The following MAP4 variants were observed in gnomAD, a reference collection of about 807,000 sequenced individuals.
The protein encoded by MAP4 is microtubule associated protein 4.
MAP4 carries 76 observed loss-of-function variants against 170.2 expected under a neutral mutation model. That is an observed-to-expected ratio of 0.45 (90% CI 0.37 to 0.54). MAP4 has a LOEUF of 0.54. Among genes scored for constraint, MAP4 ranks in the 20% least tolerant of loss-of-function variants. The probability of loss-of-function intolerance (pLI) is 0.00; values close to 1 mark genes in which losing one functional copy is unlikely to be tolerated. For synonymous variants in MAP4, 909 were observed against 994.5 expected (o/e 0.91, Z 1.62); for missense variants, 2,506 against 2,748.0 (o/e 0.91, Z 1.97).
chr3:47,994,948 C>CAA (rs765432631), intron 2 of MAP4, among the ~76,000 whole-genome samples: 69 of 84,402 alleles, frequency 8.2e-4, no homozygotes, highest in African/African-American at 2.0e-3. Context: ...GACTCCATCT[C>CAA]AAAAAAAAAA....
intron 10 of MAP4, among the ~76,000 whole-genome samples, chr3:47,885,970 C>T (rs1443218602): frequency 1.3e-5 from 2 of 152,144 alleles, no homozygotes; most frequent in East Asian, 1.9e-4. Flanking sequence ...CCTCATGATC[C>T]GCCCGCCTCG....
chr3:47,923,875 A>T (rs1278424969), intron 4 of MAP4, among the ~76,000 whole-genome samples: 1 of 152,134 alleles, frequency 6.6e-6, no homozygotes, highest in Non-Finnish European at 1.5e-5. Flanking sequence ...GAGATAGAAT[A>T]TGAGAGAGAT....
chr3:48,008,334 T>A (rs1463411442), intron 1 of MAP4, among the ~76,000 whole-genome samples: 1 of 152,246 alleles, frequency 6.6e-6, no homozygotes. Context: ...CAGACGGTTC[T>A]GCATCATATG....
intron 1 of MAP4, among the ~76,000 whole-genome samples, chr3:48,005,257 AGGCT>A (rs1197645699): frequency 9.0e-4 from 137 of 152,268 alleles, no homozygotes; most frequent in African/African-American, 3.2e-3. Flanking sequence ...GCTACTCGGC[AGGCT>A]GAGGCAGGAG....
At chr3:47,865,505 AGGGGCAGGAAG>A (rs1300769259) in intron 17 of MAP4, among the ~76,000 whole-genome samples, 3 of 129,612 alleles carry the variant, frequency 2.3e-5, no homozygotes, top group African/African-American at 1.1e-4. Flanking sequence ...ACCAGGAAGG[AGGGGCAGGAAG>A]GAGTTGTGTG....
chr3:47,899,703 A>G (rs990843650), intron 10 of MAP4, among the ~76,000 whole-genome samples: 10 of 152,240 alleles, frequency 6.6e-5, no homozygotes, highest in African/African-American at 2.4e-4. Flanking sequence ...AAGGATGGGT[A>G]GTTTCCTTTT....
At chr3:48,061,774 C>T (rs1285723121) in intron 1 of MAP4, among the ~76,000 whole-genome samples, 2 of 151,018 alleles carry the variant, frequency 1.3e-5, no homozygotes, top group Admixed American at 1.3e-4. Flanking sequence ...CGGCCAGCCG[C>T]CCCGTCCGGG....
Position 48,074,676 on chromosome 3 carries a change from T to TTGTGTGTGTGTGTGTGTGTG in MAP4, c.-20+14077_-20+14096dup, listed in dbSNP as rs555691222. ...GGGGCAAGCCACCACATCCAGCTAA[T>TTGTGTGTGTGTGTGTGTGTG]TGTGTGTGTGTGTGTGTGTGTGTGT... is the stretch of plus-strand genomic sequence containing the variant. On this transcript the variant is annotated intron_variant, in intron 1 of 18. Transcript: ENST00000360240. 1.0e-3 allele frequency among the ~76,000 whole-genome samples: 93 copies of TTGTGTGTGTGTGTGTGTGTG among 90,602 alleles called. 1 individual carries two copies. Among genetic ancestry groups the TTGTGTGTGTGTGTGTGTGTG allele is most frequent in the African/African-American group, 3.4e-3 (69 of 20,462 alleles). The allele number at this position is 90,602 out of a possible 152,430, so 59.4% of individuals were successfully genotyped here. A position where few individuals can be genotyped will look rare whatever the true frequency, so the allele number is the denominator to read the frequency against.
intron 1 of MAP4, among the ~76,000 whole-genome samples, chr3:48,063,263 C>G (rs942984753): frequency 1.3e-5 from 2 of 151,894 alleles, no homozygotes; most frequent in Non-Finnish European, 2.9e-5. Context: ...TCATTCATTG[C>G]TAGTGGAAAT....
intron 1 of MAP4, among the ~76,000 whole-genome samples, chr3:48,088,017 G>T (rs1186282208): frequency 1.3e-5 from 2 of 152,078 alleles, no homozygotes; most frequent in African/African-American, 2.4e-5. Flanking sequence ...TAATTTACCC[G>T]TTCCTGGAAG....
intron 3 of MAP4, among the ~76,000 whole-genome samples, chr3:47,931,243 T>C (rs1379719008): frequency 6.6e-6 from 1 of 151,876 alleles, no homozygotes; most frequent in Non-Finnish European, 1.5e-5. Flanking sequence ...TAGCCAAGCA[T>C]GGTGACGAGT....
intron 10 of MAP4, among the ~76,000 whole-genome samples, chr3:47,887,255 C>T (rs1577083822): frequency 6.6e-6 from 1 of 152,230 alleles, no homozygotes; most frequent in East Asian, 1.9e-4. Flanking sequence ...TGCGGGTCAG[C>T]TGGAGTTCCG....
chr3:47,926,057 T>C (rs1356522819), intron 4 of MAP4, among the ~76,000 whole-genome samples: 2 of 151,750 alleles, frequency 1.3e-5, no homozygotes, highest in African/African-American at 4.8e-5. Flanking sequence ...GGTTTCACCA[T>C]GTTGGCCAGG....
rs573452062 is a variant in MAP4 at position 47,887,106 on chromosome 3, C to G, written c.5435-9583G>C. On this transcript the variant is annotated intron_variant, in intron 10 of 20. Coordinates refer to ENST00000683076, the MANE Select transcript of MAP4 (RefSeq NM_001385682.1). The stretch of plus-strand genomic sequence containing the variant: ...TCTGCCTGGGTTCCCACTTTGGCGG[C>G]ACTTGAGGGGCCCTTTGGCCCGCCG... Among the ~76,000 whole-genome samples, 50 of 152,366 alleles carry G rather than the reference C, an allele frequency of 3.3e-4. 1 individual carries two copies. The highest frequency in any genetic ancestry group is 3.0e-3 in the Admixed American group (46 of 15,308).
chr3:47,911,736 C>T lies in MAP4; in HGVS notation c.2685G>A (p.Leu895=). The change falls in exon 9 of 21, where the codon TTG becomes TTA. Residue 895 remains leucine (L), a synonymous_variant. Coordinates refer to ENST00000683076, the MANE Select transcript of MAP4 (RefSeq NM_001385682.1). This position sits in a 1 kb window ranked among gnomAD's most constrained non-coding sequence, Gnocchi z 4.0. ...KSVLQNQDKK[L]LKQHEYKPQP... is the part of the protein sequence containing the mutation. ...GTGGTTTGTATTCATGTTGCTTCAG[C>T]AATTTCTTGTCTTGGTTTTGTAGTA... 1.3e-6 allele frequency: 2 copies of T among 1,536,084 alleles called. No individual in the cohort carries two copies. The highest frequency in any genetic ancestry group is 2.4e-5 in the South Asian group (2 of 84,070).
Position 47,852,621 on chromosome 3 carries a change from C to T in MAP4, c.*313G>A. 1.1e-6 allele frequency: 1 copy of T among 912,460 alleles called. No individual in the cohort carries two copies. The highest frequency in any genetic ancestry group is 1.6e-6 in the Non-Finnish European group (1 of 627,776). 56.5% of individuals were successfully genotyped at this position (912,460 alleles called of 1,614,324 possible). On this transcript the variant is annotated 3_prime_UTR_variant, in exon 21 of 21. Coordinates refer to ENST00000683076, the MANE Select transcript of MAP4 (RefSeq NM_001385682.1). Reference sequence around the variant, plus strand: ...AACCACCCCAACCCCCTCCCAACCTCCTCCACGGAGCAGTGGCGCAGTGAT... The same window carrying T: ...AACCACCCCAACCCCCTCCCAACCTTCTCCACGGAGCAGTGGCGCAGTGAT...
At chr3:48,059,410 G>C (rs956756991) in intron 1 of MAP4, among the ~76,000 whole-genome samples, 1 of 150,444 alleles carries the variant, frequency 6.6e-6, no homozygotes, top group African/African-American at 2.5e-5. Context: ...AGCTACCTGG[G>C]AGGCTGAGGC....
rs1217215422 is a variant in MAP4 at position 48,040,009 on chromosome 3, T to C, written c.-19-41130A>G. ...GCATTTCTGTTGCCCAGTCATTGGC[T>C]CTATAACTGAAAGGGCTTTTGAAAA... On this transcript the variant is annotated intron_variant, in intron 1 of 18. Transcript: ENST00000360240. Among the ~76,000 whole-genome samples the C allele has an allele frequency of 2.6e-5, 4 of 152,168 alleles. No individual in the cohort carries two copies. In the East Asian group the frequency reaches 7.7e-4, roughly 29 times the overall value.
chr3:48,074,624 T>A (rs2100142775), intron 1 of MAP4, among the ~76,000 whole-genome samples: 1 of 139,866 alleles, frequency 7.1e-6, no homozygotes, highest in Admixed American at 7.5e-5. Context: ...CACCTTATCC[T>A]CACCCTGATG....
Sources: allele counts gnomAD v4.1 joint callset (sites outside exome capture counted in the v4.1 genomes callset), GRCh38; gene constraint gnomAD v4.1.1; non-coding constraint Gnocchi (gnomAD v3.1); transcripts MANE v1.5; gene names NCBI Gene and HGNC (gene_info 2026-07-23, HGNC 2026-07-21).